TRIOBP: variants seen among roughly 807,000 people sequenced by gnomAD.
TRIOBP encodes the protein TRIO and F-actin-binding protein.
A neutral mutation model predicts 238.8 loss-of-function variants in TRIOBP; 169 were observed. The observed-to-expected ratio is 0.71, with a 90% CI of 0.62 to 0.80. The LOEUF (loss-of-function observed/expected upper bound fraction) is 0.80. TRIOBP is among the 30% of genes least tolerant of loss of function. The pLI, the probability that TRIOBP is intolerant of heterozygous loss-of-function variation, is 0.00. For synonymous variants in TRIOBP, 1,150 were observed against 1,274.4 expected (o/e 0.90, Z 2.08); for missense variants, 2,838 against 3,122.6 (o/e 0.91, Z 2.17).
At chr22:37,718,322 G>A (rs916525030) in intron 6 of TRIOBP, among the ~76,000 whole-genome samples, 2 of 152,238 alleles carry the variant, frequency 1.3e-5, no homozygotes, top group Admixed American at 6.5e-5. Context: ...CTCCTCAAGT[G>A]CCGCCAAAGT....
intron 21 of TRIOBP, 101 bp downstream of exon 21, chr22:37,769,476 C>A: frequency 8.3e-7 from 1 of 1,201,732 alleles, no homozygotes; most frequent in Non-Finnish European, 1.2e-6. Context: ...GCAGGAAAGC[C>A]AAGTCTCCCA....
chr22:37,714,043 C>A (rs1050683734), intron 5 of TRIOBP, among the ~76,000 whole-genome samples: 1 of 152,200 alleles, frequency 6.6e-6, no homozygotes, highest in African/African-American at 2.4e-5. Context: ...ATGCTAAGGG[C>A]TTGGTGGGTG....
At chr22:37,759,048 G>A (rs1046451375) in intron 16 of TRIOBP, 106 bp from the exon 17 acceptor site, 10 of 938,432 alleles carry the variant, frequency 1.1e-5, no homozygotes, top group African/African-American at 3.3e-5. Flanking sequence ...TTCCAGGGAC[G>A]CTGGGCTTGT....
intron 21 of TRIOBP, 54 bp from the exon 22 acceptor site, chr22:37,771,596 G>T (rs746168184): frequency 2.6e-6 from 4 of 1,552,362 alleles, no homozygotes; most frequent in Non-Finnish European, 3.6e-6. Flanking sequence ...GGCACTATGG[G>T]CCAGGGTAGC....
chr22:37,746,634 G>C (rs2145855970), intron 11 of TRIOBP, among the ~76,000 whole-genome samples: 1 of 152,316 alleles, frequency 6.6e-6, no homozygotes, highest in South Asian at 2.1e-4. Flanking sequence ...TCGCCCACTC[G>C]CCCCCGGGAG....
Position 37,723,512 on chromosome 22 carries a change from C to A in TRIOBP, c.956C>A (p.Thr319Asn). ...AGGGCCTCATCCACCCAAGAGGACA[C>A]CCCTAGGGCCTCATCCACCCAAGAG... ...TSRASSTQED[T>N]PRASSTQEDT... Residue 319 changes from threonine to asparagine, a missense_variant, in exon 7 of 24, where the codon ACC becomes AAC. By Grantham distance (65) the Thr-to-Asn change is moderately conservative. Transcript: ENST00000644935. 1.2e-6 allele frequency: 2 copies of A among 1,613,878 alleles called. No homozygotes were observed. Among genetic ancestry groups the A allele is most frequent in the Non-Finnish European group, 1.7e-6 (2 of 1,179,930 alleles).
intron 3 of TRIOBP, among the ~76,000 whole-genome samples, chr22:37,706,923 C>T (rs1922972472): frequency 6.6e-6 from 1 of 152,176 alleles, no homozygotes; most frequent in African/African-American, 2.4e-5. Context: ...GCCCTGGGAC[C>T]CAACTCTGGG....
In TRIOBP at chr22:37,738,697, C is replaced by A; in HGVS notation, c.5162C>A (p.Thr1721Asn). The change falls in exon 10 of 24, where the codon ACT (threonine) becomes AAT (asparagine). Residue 1721 changes from threonine to asparagine, a missense_variant. Coordinates refer to ENST00000644935, the MANE Select transcript of TRIOBP (RefSeq NM_001039141.3). ...CCAAGCAGAGGCCAAGACCCCCTGA[C>A]TGACCAGAAGCAGGCAGACTCGGTA... ...SEPSRGQDPL[T>N]DQKQADSADK... 6.2e-7 allele frequency: 1 copy of A among 1,613,990 alleles called. No homozygotes were observed. The highest frequency in any genetic ancestry group is 8.5e-7 in the Non-Finnish European group (1 of 1,179,978).
rs761717071 is a variant in TRIOBP, at chr22:37,723,809, C to T, written c.1253C>T (p.Ser418Phe). Residue 418 changes from serine to phenylalanine, a missense_variant, in exon 7 of 24, where the codon TCC becomes TTC. Transcript: ENST00000644935. ...QRDNPKASRT[S>F]SPNRATRDNP... ...GACAATCCCAAAGCCTCCAGAACCT[C>T]CTCTCCCAATAGAGCCACACGAGAC... 8 of 1,598,820 alleles carry T rather than the reference C, an allele frequency of 5.0e-6. No homozygotes were observed. The highest frequency in any genetic ancestry group is 1.7e-5 in the Admixed American group (1 of 58,922).
intron 17 of TRIOBP, chr22:37,759,629 G>T (rs969566309): frequency 1.2e-5 from 18 of 1,538,676 alleles, no homozygotes; most frequent in Admixed American, 2.0e-5. Flanking sequence ...GGCCCCGAGA[G>T]TCACTCCCTG....
intron 2 of TRIOBP, among the ~76,000 whole-genome samples, chr22:37,699,949 G>C (rs1193094497): frequency 6.6e-6 from 1 of 151,962 alleles, no homozygotes; most frequent in African/African-American, 2.4e-5. Flanking sequence ...CGTGCTCTCC[G>C]CTCACTGCTA....
chr22:37,768,286 GC>G, intron 19 of TRIOBP, 110 bp downstream of exon 19: 1 of 892,588 alleles, frequency 1.1e-6, no homozygotes, highest in Non-Finnish European at 1.8e-6. Context: ...TGAGATTCCT[GC>G]TCCAGTCTCA....
In TRIOBP at chr22:37,724,868, C is replaced by T. The variant is rs1015490268; in HGVS notation, c.2312C>T (p.Ser771Phe). 3 of 1,612,400 alleles carry T rather than the reference C, an allele frequency of 1.9e-6. No individual in the cohort carries two copies. Among genetic ancestry groups the T allele is most frequent in the Non-Finnish European group, 2.5e-6 (3 of 1,179,684 alleles). ...ATCCAACAAGAGAACCTCAGAACAT[C>T]CTGTACCCGACAGGACAATCCCAGG... ...RTIQQENLRT[S>F]CTRQDNPRTS... The change falls in exon 7 of 24, where the codon TCC becomes TTC. Residue 771 changes from serine (S) to phenylalanine (F), a missense_variant. By Grantham distance (155) the Ser-to-Phe change is radical. Around this residue, in one of 5 missense-constraint regions of TRIOBP, gnomAD observed 2,096 missense variants for 2,137.4 expected, o/e 0.98. Coordinates refer to ENST00000644935, the MANE Select transcript of TRIOBP (RefSeq NM_001039141.3).
chr22:37,703,348 T>C (rs952465841), intron 3 of TRIOBP, among the ~76,000 whole-genome samples: 2 of 151,930 alleles, frequency 1.3e-5, no homozygotes, highest in Non-Finnish European at 2.9e-5. Flanking sequence ...TTTCTGACTT[T>C]GTGATTGATG....
At position 37,708,286 on chromosome 22, in the gene TRIOBP, G is replaced by A. The variant is rs1449395283; in HGVS notation, c.115-2141G>A. Reference sequence around the variant, plus strand: ...AAAAAAAATTGAGGCCAGGCACAGTGGCTCATGCCTGTGATCCCAGCACTT... The same window carrying A: ...AAAAAAAATTGAGGCCAGGCACAGTAGCTCATGCCTGTGATCCCAGCACTT... On this transcript the variant is annotated intron_variant, in intron 3 of 23. Transcript: ENST00000644935. 3.3e-5 allele frequency among the ~76,000 whole-genome samples: 5 copies of A among 151,822 alleles called. No individual in the cohort carries two copies. The East Asian group carries it at 9.7e-4, about 29-fold the overall frequency.
At chr22:37,752,153 C>T (rs1925647083) in intron 12 of TRIOBP, among the ~76,000 whole-genome samples, 2 of 152,024 alleles carry the variant, frequency 1.3e-5, no homozygotes, top group South Asian at 2.1e-4. Context: ...CTGTCTGGCC[C>T]GAGACACAGA....
intron 7 of TRIOBP, among the ~76,000 whole-genome samples, chr22:37,729,164 C>G (rs1222262823): frequency 6.6e-6 from 1 of 152,000 alleles, no homozygotes. Context: ...GCAATCTACC[C>G]ACCTCGGCCT....
At chr22:37,715,661 G>T in intron 5 of TRIOBP, 102 bp from the exon 6 acceptor site, 2 of 1,395,078 alleles carry the variant, frequency 1.4e-6, no homozygotes, top group Non-Finnish European at 2.0e-6. Flanking sequence ...GCTTTTTAAT[G>T]CCAATTCCCT....
intron 6 of TRIOBP, among the ~76,000 whole-genome samples, chr22:37,718,532 T>C (rs1923654989): frequency 7.3e-6 from 1 of 137,922 alleles, no homozygotes; most frequent in Non-Finnish European, 1.5e-5. Flanking sequence ...CAACATAATA[T>C]GCCCCCTGAT....
Sources: gnomAD v4.1 joint callset for allele counts (sites outside exome capture counted in the v4.1 genomes callset) on GRCh38, gnomAD v4.1.1 for gene constraint, gnomAD v4.1.1 regional missense constraint, MANE v1.5 for transcripts, NCBI Gene and HGNC (gene_info 2026-07-23, HGNC 2026-07-21) for gene names.